Variants in TSC1 observed in about 807,000 individuals in gnomAD.
The protein encoded by TSC1 is TSC complex subunit 1.
A neutral mutation model predicts 124.3 loss-of-function variants in TSC1; 20 were observed. That is an observed-to-expected ratio of 0.16 (90% CI 0.11 to 0.23). TSC1 has a LOEUF of 0.23. Ranked by LOEUF, TSC1 falls within the 10% of genes least tolerant of loss-of-function variation. The pLI, the probability that TSC1 is intolerant of heterozygous loss-of-function variation, is 1.00. For missense variants in TSC1, 1,124 were observed against 1,448.5 expected (o/e 0.78, Z 3.64); for synonymous variants, 493 against 539.1 (o/e 0.91, Z 1.19).
chr9:132,926,048 T>C (rs2132247340), intron 4 of TSC1: 1 of 405,214 alleles, frequency 2.5e-6, no homozygotes. Flanking sequence ...GATAGGTTAC[T>C]GAAGCCATGA....
At position 132,906,080 on chromosome 9, in the gene TSC1, G is replaced by T. The variant is rs118203537; in HGVS notation, c.1498C>A (p.Arg500=). Reference sequence around the variant, plus strand: ...TAAAAGGGAGAGTCAAAGCCTCCTCGAGGAACCACAGGCTCTGCCTCTGCT... The same window carrying T: ...TAAAAGGGAGAGTCAAAGCCTCCTCTAGGAACCACAGGCTCTGCCTCTGCT... ...TTAEAEPVVP[R]GGFDSPFYRD... Residue 500 remains arginine (R), a synonymous_variant, in exon 15 of 23, where the codon CGA becomes AGA. Transcript: ENST00000298552. The surrounding 1 kb of genome is among the most constrained non-coding windows in gnomAD (Gnocchi z 4.1). 6.2e-7 allele frequency: 1 copy of T among 1,613,986 alleles called. No individual in the cohort carries two copies. The highest frequency in any genetic ancestry group is 1.3e-5 in the African/African-American group (1 of 75,044).
Position 132,896,862 on chromosome 9 carries a change from G to A in TSC1, c.2976-108C>T. The A allele has an allele frequency of 1.3e-6, 2 of 1,531,134 alleles. No homozygotes were observed. Among genetic ancestry groups the A allele is most frequent in the Non-Finnish European group, 1.8e-6 (2 of 1,107,870 alleles). The allele number at this position is 1,531,134 out of a possible 1,614,324, so 94.8% of individuals were successfully genotyped here. A position where few individuals can be genotyped will look rare whatever the true frequency, so the allele number is the denominator to read the frequency against. On this transcript the variant is annotated intron_variant, in intron 22 of 22. Coordinates refer to ENST00000298552, the MANE Select transcript of TSC1 (RefSeq NM_000368.5). This position sits in a 1 kb window ranked among gnomAD's most constrained non-coding sequence, Gnocchi z 4.5. Reference sequence around the variant, plus strand: ...CTCACACTGACACTGAACTCCGCTAGCCCACTCTCTGTTTTATAATACTGG... The same window carrying A: ...CTCACACTGACACTGAACTCCGCTAACCCACTCTCTGTTTTATAATACTGG...
In TSC1 at chr9:132,903,206, T is replaced by G. The variant is rs1352870303; in HGVS notation, c.2209-419A>C. Among the ~76,000 whole-genome samples the G allele has an allele frequency of 6.6e-6, 1 of 152,240 alleles. No homozygotes were observed. The highest frequency in any genetic ancestry group is 1.5e-5 in the Non-Finnish European group (1 of 68,036). ...CTTAAAGAGCAGGTGCTGCTATTGT[T>G]ATTTCCATTTTATAGCATGGCTAAC... On this transcript the variant is annotated intron_variant, in intron 17 of 22. Transcript: ENST00000298552. The surrounding 1 kb of genome is among the most constrained non-coding windows in gnomAD (Gnocchi z 5.9).
rs544191079 is a variant in TSC1 at position 132,902,035 on chromosome 9, G to A, written c.2392-336C>T. ...CAGCGCCATCTGTTGGACACTCTGT[G>A]AATTACTAACTGGCTGGAAATGATG... On this transcript the variant is annotated intron_variant, in intron 18 of 22. Transcript: ENST00000298552. The surrounding 1 kb of genome is among the most constrained non-coding windows in gnomAD (Gnocchi z 5.2). The A allele has an allele frequency of 2.1e-5, 6 of 283,168 alleles. No homozygotes were observed. The highest frequency in any genetic ancestry group is 4.0e-5 in the Non-Finnish European group (6 of 149,038). 17.5% of individuals were successfully genotyped at this position (283,168 alleles called of 1,614,324 possible).
At chr9:132,910,811 G>A in intron 11 of TSC1, 119 bp from the exon 12 acceptor site, 1 of 1,474,290 alleles carries the variant, frequency 6.8e-7, no homozygotes, top group Non-Finnish European at 9.5e-7. Context: ...ACTTTCTGGG[G>A]ATCTAGATCA....
chr9:132,895,192 T>C lies in TSC1; in HGVS notation c.*1043A>G, dbSNP rs1343549355. 2 of 233,088 alleles carry C rather than the reference T, an allele frequency of 8.6e-6. No homozygotes were observed. Among genetic ancestry groups the C allele is most frequent in the African/African-American group, 4.4e-5 (2 of 45,322 alleles). 14.4% of individuals were successfully genotyped at this position (233,088 alleles called of 1,614,324 possible). On this transcript the variant is annotated 3_prime_UTR_variant, in exon 23 of 23. Transcript: ENST00000298552. ...ACCTGCTACAGTGAGGCAACCCTAA[T>C]GGCCTGGGAAATGATGGTCACATAC...
intron 22 of TSC1, 125 bp downstream of exon 22, chr9:132,897,059 C>T (rs774226754): frequency 4.1e-5 from 61 of 1,481,946 alleles, no homozygotes; most frequent in African/African-American, 1.5e-4. Flanking sequence ...GTCTCTGACA[C>T]GGAGTGAGCT....
Position 132,893,314 on chromosome 9 carries a change from G to A in TSC1, c.*2921C>T, listed in dbSNP as rs2131545944. 4.3e-6 allele frequency: 1 copy of A among 233,262 alleles called. No homozygotes were observed. Among genetic ancestry groups the A allele is most frequent in the South Asian group, 1.8e-4 (1 of 5,526 alleles). The allele number at this position is 233,262 out of a possible 1,614,324, so 14.4% of individuals were successfully genotyped here. On this transcript the variant is annotated 3_prime_UTR_variant, in exon 23 of 23. Transcript: ENST00000298552. ...TTCACAACTTCTCCATCTAAGAAAT[G>A]ACCTTGACCTTCCTACCTTTGGGTT...
chr9:132,927,623 A>C (rs1846954748), intron 3 of TSC1, among the ~76,000 whole-genome samples: 1 of 148,128 alleles, frequency 6.8e-6, no homozygotes, highest in Admixed American at 6.9e-5. Flanking sequence ...CCTGGGTTCA[A>C]GCAATTCTCG....
Position 132,925,574 on chromosome 9 carries a change from A to G in TSC1, c.363+13T>C. On this transcript the variant is annotated intron_variant, in intron 5 of 22. Coordinates refer to ENST00000298552, the MANE Select transcript of TSC1 (RefSeq NM_000368.5). ...ATAAAACCATTTCATTCAAATCCTTACAAACATCCTACCTTGAGACATTTT... is the reference window on the plus strand; with the variant it reads ...ATAAAACCATTTCATTCAAATCCTTGCAAACATCCTACCTTGAGACATTTT... 1 of 1,614,218 alleles carries G rather than the reference A, an allele frequency of 6.2e-7. No individual in the cohort carries two copies. Among genetic ancestry groups the G allele is most frequent in the Non-Finnish European group, 8.5e-7 (1 of 1,180,012 alleles).
rs113549339 is a variant in TSC1 at position 132,895,940 on chromosome 9, G to C, written c.*295C>G. On this transcript the variant is annotated 3_prime_UTR_variant, in exon 23 of 23. Transcript: ENST00000298552. ...CAGGTTCAAAGGACGCAACCATTTG[G>C]GGGGGAAAGGAAGAAAGTAAAGCTA... 184 of 459,100 alleles carry C rather than the reference G, an allele frequency of 4.0e-4. No homozygotes were observed. Among genetic ancestry groups the C allele is most frequent in the African/African-American group, 2.6e-3 (130 of 50,310 alleles). The allele number at this position is 459,100 out of a possible 1,614,324, so 28.4% of individuals were successfully genotyped here.
rs1480217114 is a variant in TSC1, at chr9:132,894,074, A to C, written c.*2161T>G. On this transcript the variant is annotated 3_prime_UTR_variant, in exon 23 of 23. Coordinates refer to ENST00000298552, the MANE Select transcript of TSC1 (RefSeq NM_000368.5). Reference sequence around the variant, plus strand: ...CAAAGGCACCTGAGCTTGGAGCCACATTTGTTATAAAGCTGAGTAAAAGGA... The same window carrying C: ...CAAAGGCACCTGAGCTTGGAGCCACCTTTGTTATAAAGCTGAGTAAAAGGA... 1 of 233,464 alleles carries C rather than the reference A, an allele frequency of 4.3e-6. No homozygotes were observed. The highest frequency in any genetic ancestry group is 8.5e-6 in the Non-Finnish European group (1 of 118,006). The allele number at this position is 233,464 out of a possible 1,614,324, so 14.5% of individuals were successfully genotyped here. A position where few individuals can be genotyped will look rare whatever the true frequency, so the allele number is the denominator to read the frequency against.
chr9:132,920,666 G>C (rs1846503395), intron 8 of TSC1, among the ~76,000 whole-genome samples: 1 of 151,972 alleles, frequency 6.6e-6, no homozygotes, highest in African/African-American at 2.4e-5. Context: ...AGTATCCATG[G>C]GTCAGTTTCC....
Position 132,897,184 on chromosome 9 carries a change from C to T in TSC1, c.2975G>A (p.Arg992Lys). ...KAEAAEAAEERLDCCNDGCSD... is the reference protein window; with the variant it reads ...KAEAAEAAEEKLDCCNDGCSD... ...TCATGAATCAGTTCTTTGTTCCTACCTTTCTTCTGCTGCTTCAGCTGCTTC... is the reference window on the plus strand; with the variant it reads ...TCATGAATCAGTTCTTTGTTCCTACTTTTCTTCTGCTGCTTCAGCTGCTTC... The change falls in exon 22 of 23, where the codon AGG becomes AAG. Residue 992 changes from arginine to lysine, a missense_variant and splice_region_variant. Arg to Lys is a conservative substitution (Grantham distance 26). Transcript: ENST00000298552. The T allele has an allele frequency of 6.2e-7, 1 of 1,614,084 alleles. No homozygotes were observed. Among genetic ancestry groups the T allele is most frequent in the Non-Finnish European group, 8.5e-7 (1 of 1,180,034 alleles).
Position 132,905,246 on chromosome 9 carries a change from GA to G in TSC1, c.1997+334del, listed in dbSNP as rs568543515. ...TGTGACAAATATTCTTATATTCTTT[GA>G]AATACCATAACCTCATTTTCAGCCT... On this transcript the variant is annotated intron_variant, in intron 15 of 22. Coordinates refer to ENST00000298552, the MANE Select transcript of TSC1 (RefSeq NM_000368.5). 1.1e-3 allele frequency among the ~76,000 whole-genome samples: 174 copies of G among 152,286 alleles called. 1 individual carries two copies. The highest frequency in any genetic ancestry group is 4.0e-3 in the African/African-American group (168 of 41,558).
Position 132,903,696 on chromosome 9 carries a change from G to A in TSC1, c.2163C>T (p.Arg721=). 6.2e-7 allele frequency: 1 copy of A among 1,612,876 alleles called. No homozygotes were observed. Among genetic ancestry groups the A allele is most frequent in the South Asian group, 1.1e-5 (1 of 91,022 alleles). The change falls in exon 17 of 23, where the codon CGC becomes CGT. Residue 721 remains arginine (R), a synonymous_variant. Transcript: ENST00000298552. This position sits in a 1 kb window ranked among gnomAD's most constrained non-coding sequence, Gnocchi z 5.9. Reference sequence around the variant, plus strand: ...CCAGAGCTGCTGCTTTGATCACCTTGCGGAGGAGCCGCCTGTTCCGGAGGG... The same window carrying A: ...CCAGAGCTGCTGCTTTGATCACCTTACGGAGGAGCCGCCTGTTCCGGAGGG... The part of the protein sequence containing the change: ...QHALRNRRLL[R]KVIKAAALEE...
chr9:132,899,317 GCA>G (rs1306923761), intron 20 of TSC1: 1 of 152,274 alleles, frequency 6.6e-6, no homozygotes, highest in African/African-American at 2.4e-5. Flanking sequence ...TGTGCCTGTG[GCA>G]CACACCTGGC....
chr9:132,923,645 G>T lies in TSC1; in HGVS notation c.364-153C>A. On this transcript the variant is annotated intron_variant, in intron 5 of 22. Transcript: ENST00000298552. The surrounding 1 kb of genome is among the most constrained non-coding windows in gnomAD (Gnocchi z 4.2). ...TTCCCTATCCCTAAGGATTACTGAA[G>T]GGATAACATTCAAACAGACTCAACA... 1 of 1,059,854 alleles carries T rather than the reference G, an allele frequency of 9.4e-7. No homozygotes were observed. Among genetic ancestry groups the T allele is most frequent in the Non-Finnish European group, 1.4e-6 (1 of 713,348 alleles). 65.7% of individuals were successfully genotyped at this position (1,059,854 alleles called of 1,614,324 possible). A position where few individuals can be genotyped will look rare whatever the true frequency, so the allele number is the denominator to read the frequency against.
Position 132,892,928 on chromosome 9 carries a change from T to C in TSC1, c.*3307A>G, listed in dbSNP as rs983246059. 11 of 233,166 alleles carry C rather than the reference T, an allele frequency of 4.7e-5. No homozygotes were observed. Among genetic ancestry groups the C allele is most frequent in the Non-Finnish European group, 6.8e-5 (8 of 118,070 alleles). The allele number at this position is 233,166 out of a possible 1,614,324, so 14.4% of individuals were successfully genotyped here. A position where few individuals can be genotyped will look rare whatever the true frequency, so the allele number is the denominator to read the frequency against. On this transcript the variant is annotated 3_prime_UTR_variant, in exon 23 of 23. Transcript: ENST00000298552. Reference sequence around the variant, plus strand: ...TTCCCAACAAATATACCAGAAACTATGTGTGCTGTTGCAAATGGGGACGGC... The same window carrying C: ...TTCCCAACAAATATACCAGAAACTACGTGTGCTGTTGCAAATGGGGACGGC...
Sources: gnomAD v4.1 joint callset for allele counts (sites outside exome capture counted in the v4.1 genomes callset) on GRCh38, gnomAD v4.1.1 for gene constraint, Gnocchi (gnomAD v3.1) non-coding constraint, MANE v1.5 for transcripts, NCBI Gene and HGNC (gene_info 2026-07-23, HGNC 2026-07-21) for gene names.